OLFM1: variants seen among roughly 807,000 people sequenced by gnomAD.
The protein encoded by OLFM1 is noelin.
OLFM1 carries 9 observed loss-of-function variants against 49.7 expected under a neutral mutation model. The ratio of observed to expected loss-of-function variants is 0.18; its 90% CI spans 0.11 to 0.32. OLFM1 has a LOEUF of 0.32. Among genes scored for constraint, OLFM1 ranks in the 10% least tolerant of loss-of-function variants. The pLI is 1.00. For synonymous variants in OLFM1, 240 were observed against 271.8 expected (o/e 0.88, Z 1.15); for missense variants, 369 against 661.8 (o/e 0.56, Z 4.85).
At chr9:135,118,142 G>C (rs918311797) in intron 5 of OLFM1, among the ~76,000 whole-genome samples, 1 of 152,234 alleles carries the variant, frequency 6.6e-6, no homozygotes, top group African/African-American at 2.4e-5. Context: ...TCGGGGAACA[G>C]CTTCCCGCCC....
chr9:135,091,564 C>T (rs1420354038), intron 2 of OLFM1, among the ~76,000 whole-genome samples: 1 of 78,598 alleles, frequency 1.3e-5, no homozygotes, highest in African/African-American at 8.3e-5. Context: ...CTCATAGTCA[C>T]ACACACACAC....
chr9:135,077,084 C>T (rs1335535848), intron 1 of OLFM1: 2 of 1,550,354 alleles, frequency 1.3e-6, no homozygotes, highest in African/African-American at 1.4e-5. Flanking sequence ...GTTTTCTTGG[C>T]CCCAGGAAGG....
chr9:135,092,570 A>G (rs954855736), intron 2 of OLFM1, among the ~76,000 whole-genome samples: 1 of 152,140 alleles, frequency 6.6e-6, no homozygotes, highest in Non-Finnish European at 1.5e-5. Flanking sequence ...GGGAGGCGGC[A>G]CTTGGAGGGG....
chr9:135,077,205 C>G, intron 1 of OLFM1: 1 of 1,522,942 alleles, frequency 6.6e-7, no homozygotes, highest in East Asian at 2.5e-5. Context: ...CAGAGAAGAG[C>G]CAACCAGGTC....
chr9:135,102,634 G>C (rs1358058704), intron 4 of OLFM1, among the ~76,000 whole-genome samples: 1 of 152,108 alleles, frequency 6.6e-6, no homozygotes, highest in Non-Finnish European at 1.5e-5. Flanking sequence ...GTCTGATCTC[G>C]AGGCCTGGCG....
intron 2 of OLFM1, among the ~76,000 whole-genome samples, chr9:135,091,673 A>ACACATAGT (rs796907081): frequency 5.4e-4 from 1 of 1,862 alleles, no homozygotes; most frequent in Non-Finnish European, 1.3e-3. Flanking sequence ...ACAGTCACAC[A>ACACATAGT]CTCACACATA....
rs1830618182 is a variant in OLFM1 at position 135,087,731 on chromosome 9, G to GGGCGCAGGGCGGGCGGCGCGA, written c.-247_-227dup. ...CGGAGGGACGCAGCCGGGCAAGGCAGGGCGCAGGGCGGGCGGCGCGAGGCG... is the reference window on the plus strand; with the variant it reads ...CGGAGGGACGCAGCCGGGCAAGGCAGGGCGCAGGGCGGGCGGCGCGAGGCGCAGGGCGGGCGGCGCGAGGCG... On this transcript the variant is annotated 5_prime_UTR_variant, in exon 1 of 6. Coordinates refer to ENST00000371793, the MANE Select transcript of OLFM1 (RefSeq NM_001282611.2). 1.0e-5 allele frequency: 4 copies of GGGCGCAGGGCGGGCGGCGCGA among 394,244 alleles called. No homozygotes were observed. The highest frequency in any genetic ancestry group is 1.4e-5 in the Non-Finnish European group (4 of 290,612). The allele number at this position is 394,244 out of a possible 1,614,324, so 24.4% of individuals were successfully genotyped here.
chr9:135,093,085 C>T (rs1263533716), intron 2 of OLFM1, among the ~76,000 whole-genome samples: 1 of 152,210 alleles, frequency 6.6e-6, no homozygotes, highest in Admixed American at 6.5e-5. Context: ...TGTGCCCTGG[C>T]TTCACCTTTA....
intron 5 of OLFM1, among the ~76,000 whole-genome samples, chr9:135,116,981 C>T (rs984771698): frequency 1.4e-4 from 22 of 151,752 alleles, no homozygotes; most frequent in African/African-American, 5.1e-4. Context: ...ATTTTTAGCG[C>T]GTGTGTAATG....
At chr9:135,082,132 G>A (rs1417436888) in intron 1 of OLFM1, among the ~76,000 whole-genome samples, 2 of 152,220 alleles carry the variant, frequency 1.3e-5, no homozygotes, top group African/African-American at 2.4e-5. Context: ...GATCTTGCCC[G>A]TATATTCCTT....
In OLFM1 at chr9:135,098,519, C is replaced by T. The variant is rs1271601011; in HGVS notation, c.676+14C>T. 2 of 1,606,912 alleles carry T rather than the reference C, an allele frequency of 1.2e-6. No homozygotes were observed. The highest frequency in any genetic ancestry group is 1.1e-5 in the South Asian group (1 of 90,960). On this transcript the variant is annotated intron_variant, in intron 4 of 5. Coordinates refer to ENST00000371793, the MANE Select transcript of OLFM1 (RefSeq NM_001282611.2). This position sits in a 1 kb window ranked among gnomAD's most constrained non-coding sequence, Gnocchi z 5.6. ...TGCAAAAACTAGGTAGGCCCAGTAC[C>T]CTGCGGGACGTGGCGCTGCACTGCC...
intron 2 of OLFM1, among the ~76,000 whole-genome samples, chr9:135,094,805 C>T (rs375359353): frequency 7.2e-5 from 11 of 152,018 alleles, no homozygotes; most frequent in African/African-American, 2.4e-4. Context: ...TCACACTGAC[C>T]GGCAAAGCTA....
At chr9:135,119,354 C>CT in intron 5 of OLFM1, 150 bp from the exon 6 acceptor site, 1 of 645,816 alleles carries the variant, frequency 1.5e-6, no homozygotes, top group South Asian at 1.9e-5. Flanking sequence ...CTTTGGAGTG[C>CT]TTTCTGGGTC....
intron 5 of OLFM1, among the ~76,000 whole-genome samples, chr9:135,115,561 CGTT>C (rs1198131745): frequency 5.2e-5 from 8 of 152,382 alleles, no homozygotes; most frequent in African/African-American, 1.4e-4. Context: ...GATCATGCCT[CGTT>C]GCAGGGGGCT....
chr9:135,086,497 C>T (rs971564447), upstream of OLFM1: 1 of 389,952 alleles, frequency 2.6e-6, no homozygotes, highest in African/African-American at 2.1e-5. Flanking sequence ...GCCCGGCGTC[C>T]GTCTTTCAAA....
At chr9:135,106,899 G>A (rs144025462) in intron 5 of OLFM1, 44 bp downstream of exon 5, 34,191 of 1,459,368 alleles carry the variant, frequency 0.023, 491 homozygotes, top group Middle Eastern at 0.032. Context: ...GGGCAAGGGC[G>A]CTCTCGGACA....
intron 4 of OLFM1, among the ~76,000 whole-genome samples, chr9:135,102,393 A>G (rs921292795): frequency 6.6e-6 from 1 of 152,222 alleles, no homozygotes; most frequent in Non-Finnish European, 1.5e-5. Flanking sequence ...AGCCCTTGCC[A>G]GTGGATTCTG....
At chr9:135,075,627 G>T in exon 1 of OLFM1, 1 of 997,864 alleles carries the variant, frequency 1.0e-6, no homozygotes, top group Non-Finnish European at 1.4e-6. Context: ...CGCCGCCGCC[G>T]GAGCCAGCGG....
At chr9:135,081,947 C>T (rs907058339) in intron 1 of OLFM1, among the ~76,000 whole-genome samples, 7 of 152,166 alleles carry the variant, frequency 4.6e-5, no homozygotes, top group African/African-American at 1.4e-4. Flanking sequence ...GGAGAGAATC[C>T]GCTGCGTTCG....
Sources: gnomAD v4.1 joint callset for allele counts (sites outside exome capture counted in the v4.1 genomes callset) on GRCh38, gnomAD v4.1.1 for gene constraint, Gnocchi (gnomAD v3.1) non-coding constraint, MANE v1.5 for transcripts, NCBI Gene and HGNC (gene_info 2026-07-23, HGNC 2026-07-21) for gene names.